TNRC18: variants seen among roughly 807,000 people sequenced by gnomAD.
The protein encoded by TNRC18 is trinucleotide repeat containing 18.
TNRC18 carries 69 observed loss-of-function variants against 226.7 expected under a neutral mutation model. That is an observed-to-expected ratio of 0.30 (90% CI 0.25 to 0.37). The LOEUF (loss-of-function observed/expected upper bound fraction) is 0.37. Among genes scored for constraint, TNRC18 ranks in the 10% least tolerant of loss-of-function variants. The pLI, the probability that TNRC18 is intolerant of heterozygous loss-of-function variation, is 1.00. For synonymous variants in TNRC18, 2,449 were observed against 1,927.6 expected (o/e 1.27, Z -7.09); for missense variants, 4,754 against 4,256.6 (o/e 1.12, Z -3.25).
intron 19 of TNRC18, among the ~76,000 whole-genome samples, chr7:5,328,473 G>C (rs13247513): frequency 0.012 from 1,851 of 151,244 alleles, 17 homozygotes; most frequent in South Asian, 0.021. Flanking sequence ...TTTGAAACCA[G>C]CCTGGGCAAC....
Position 5,371,044 on chromosome 7 carries a change from C to A in TNRC18, c.3550G>T (p.Ala1184Ser), listed in dbSNP as rs769765881. 1 of 1,610,400 alleles carries A rather than the reference C, an allele frequency of 6.2e-7. No homozygotes were observed. The highest frequency in any genetic ancestry group is 8.5e-7 in the Non-Finnish European group (1 of 1,179,660). ...PLESPLPLPA[A>S]EAMATPSPAG... ...GGGCTGGGGGTAGCCATGGCTTCCGCGGCGGGCAGTGGCAGCGGCGACTCC... is the reference window on the plus strand; with the variant it reads ...GGGCTGGGGGTAGCCATGGCTTCCGAGGCGGGCAGTGGCAGCGGCGACTCC... The change falls in exon 11 of 30, where the codon GCG becomes TCG. Residue 1184 changes from alanine (A) to serine (S), a missense_variant. Ala to Ser is a moderately conservative substitution (Grantham distance 99). Coordinates refer to ENST00000430969, the MANE Select transcript of TNRC18 (RefSeq NM_001080495.3).
chr7:5,330,402 G>GTTT (rs1487179709), intron 19 of TNRC18, among the ~76,000 whole-genome samples: 1 of 144,646 alleles, frequency 6.9e-6, no homozygotes. Flanking sequence ...CCAGCTAATT[G>GTTT]TTTTTTTGTT....
chr7:5,418,510 G>T (rs968240835), intron 2 of TNRC18, among the ~76,000 whole-genome samples: 8 of 152,126 alleles, frequency 5.3e-5, no homozygotes, highest in Non-Finnish European at 8.8e-5. Context: ...TCTCTCCAGG[G>T]AACCTCCCTC....
chr7:5,309,364 C>T lies in TNRC18; in HGVS notation c.8393G>A (p.Arg2798His), dbSNP rs1225377089. ...CTTGCGGGCCTTGCCCTTCATGCCACGCCGCTGCAAGGACACGTGTGTCAC... is the reference window on the plus strand; with the variant it reads ...CTTGCGGGCCTTGCCCTTCATGCCATGCCGCTGCAAGGACACGTGTGTCAC... ...WKWFGKPTQR[R>H]GMKGKARKLF... Residue 2798 changes from arginine (R) to histidine (H), a missense_variant, in exon 28 of 30, where the codon CGT becomes CAT. Physicochemically the swap from Arg to His is conservative, Grantham distance 29 (BLOSUM62 0). Transcript: ENST00000430969. The surrounding 1 kb of genome is among the most constrained non-coding windows in gnomAD (Gnocchi z 5.7). 5.6e-6 allele frequency: 9 copies of T among 1,610,108 alleles called. No homozygotes were observed. The highest frequency in any genetic ancestry group is 4.0e-5 in the African/African-American group (3 of 74,896).
Position 5,394,208 on chromosome 7 carries a change from G to A in TNRC18, c.343+232C>T, listed in dbSNP as rs1435993747. Among the ~76,000 whole-genome samples, 1 of 152,164 alleles carries A rather than the reference G, an allele frequency of 6.6e-6. No individual in the cohort carries two copies. The highest frequency in any genetic ancestry group is 1.5e-5 in the Non-Finnish European group (1 of 68,034). ...AGCTGAGCCGGAGGAGGACTGGAAG[G>A]TGGTCTGTGGCATGGGGTGTCAGGC... On this transcript the variant is annotated intron_variant, in intron 3 of 29. Transcript: ENST00000430969. This position sits in a 1 kb window ranked among gnomAD's most constrained non-coding sequence, Gnocchi z 4.5.
chr7:5,416,111 C>CA (rs35630581), intron 2 of TNRC18, among the ~76,000 whole-genome samples: 2,638 of 83,072 alleles, frequency 0.032, 57 homozygotes, highest in African/African-American at 0.044. Context: ...GACTCTCTCG[C>CA]AAAAAAAAAA....
chr7:5,402,164 G>GC (rs1416193897), intron 2 of TNRC18, among the ~76,000 whole-genome samples: 1 of 131,020 alleles, frequency 7.6e-6, no homozygotes, highest in Admixed American at 8.6e-5. Flanking sequence ...GGGCAACACA[G>GC]CGAGACTCTG....
At chr7:5,406,167 A>G (rs973480214) in intron 2 of TNRC18, among the ~76,000 whole-genome samples, 1 of 152,212 alleles carries the variant, frequency 6.6e-6, no homozygotes, top group African/African-American at 2.4e-5. Context: ...AGCCAGACAT[A>G]AACAACAAAT....
Position 5,371,262 on chromosome 7 carries a change from G to C in TNRC18, c.3332C>G (p.Ala1111Gly). Residue 1111 changes from alanine to glycine, a missense_variant, in exon 11 of 30, where the codon GCC becomes GGC. Physicochemically the swap from Ala to Gly is moderately conservative, Grantham distance 60. Coordinates refer to ENST00000430969, the MANE Select transcript of TNRC18 (RefSeq NM_001080495.3). ...PTAAADADGL[A>G]PDVPLPADGP... The stretch of plus-strand genomic sequence containing the variant: ...ATCAGCCGGGAGCGGCACATCAGGG[G>C]CCAAGCCGTCCGCGTCGGCGGCGGC... 6.3e-7 allele frequency: 1 copy of C among 1,597,764 alleles called. No individual in the cohort carries two copies. Among genetic ancestry groups the C allele is most frequent in the South Asian group, 1.1e-5 (1 of 90,294 alleles).
At chr7:5,396,868 C>T (rs1315221669) in intron 2 of TNRC18, among the ~76,000 whole-genome samples, 4 of 152,172 alleles carry the variant, frequency 2.6e-5, no homozygotes, top group Non-Finnish European at 5.9e-5. Flanking sequence ...CAGTGCCTCC[C>T]TTCTCCCCAA....
intron 10 of TNRC18, among the ~76,000 whole-genome samples, chr7:5,371,648 A>G (rs769940322): frequency 1.3e-5 from 2 of 152,204 alleles, no homozygotes; most frequent in South Asian, 4.1e-4. Context: ...CACCCAGCAC[A>G]AGGCTAGACC....
chr7:5,331,342 C>T (rs908451788), intron 19 of TNRC18, among the ~76,000 whole-genome samples: 3 of 151,946 alleles, frequency 2.0e-5, no homozygotes, highest in African/African-American at 7.3e-5. Context: ...GTAACAGGCC[C>T]GATTATAAAG....
intron 19 of TNRC18, chr7:5,330,109 T>G: frequency 2.5e-6 from 1 of 403,102 alleles, no homozygotes; most frequent in Non-Finnish European, 5.1e-6. Context: ...TTTTTTTATT[T>G]TTAGTAGAAA....
intron 2 of TNRC18, among the ~76,000 whole-genome samples, chr7:5,418,575 C>G (rs1459392930): frequency 6.6e-6 from 1 of 152,204 alleles, no homozygotes; most frequent in Non-Finnish European, 1.5e-5. Flanking sequence ...CCGCAGAGCC[C>G]AACCTTAATG....
chr7:5,412,530 C>T (rs983212140), intron 2 of TNRC18, among the ~76,000 whole-genome samples: 2 of 150,978 alleles, frequency 1.3e-5, no homozygotes, highest in Middle Eastern at 3.5e-3. Flanking sequence ...GGGCTGAGAT[C>T]GCGCCACCGC....
At chr7:5,368,167 GATTT>G (rs1414395813) in intron 11 of TNRC18, among the ~76,000 whole-genome samples, 6 of 152,120 alleles carry the variant, frequency 3.9e-5, no homozygotes, top group Non-Finnish European at 7.4e-5. Context: ...CTAAAACAAT[GATTT>G]TTTAAAAACC....
Position 5,394,499 on chromosome 7 carries a change from C to G in TNRC18, c.284G>C (p.Arg95Pro). 2 of 1,561,028 alleles carry G rather than the reference C, an allele frequency of 1.3e-6. No individual in the cohort carries two copies. Among genetic ancestry groups the G allele is most frequent in the Non-Finnish European group, 1.7e-6 (2 of 1,154,330 alleles). Residue 95 changes from arginine to proline, a missense_variant, in exon 3 of 30, where the codon CGC becomes CCC. By Grantham distance (103) the Arg-to-Pro change is moderately radical. Transcript: ENST00000430969. The surrounding 1 kb of genome is among the most constrained non-coding windows in gnomAD (Gnocchi z 4.5). The part of the protein sequence containing the change: ...PVPLPSDLSF[R>P]SPTPSNLPMV... ...GGGCAGGTTGCTAGGGGTTGGGGAG[C>G]GGAAAGACAGGTCAGAGGGCAGTGG...
At chr7:5,316,373 G>A (rs899622418) in intron 24 of TNRC18, among the ~76,000 whole-genome samples, 11 of 137,258 alleles carry the variant, frequency 8.0e-5, no homozygotes, top group Admixed American at 7.6e-4. Flanking sequence ...TCCGCCTCCC[G>A]GGTTCAAGTG....
chr7:5,326,714 G>A (rs565582982), intron 19 of TNRC18, among the ~76,000 whole-genome samples: 1 of 152,054 alleles, frequency 6.6e-6, no homozygotes, highest in East Asian at 1.9e-4. Flanking sequence ...GGCTGAGGCA[G>A]AATCATCACT....
Sources: gnomAD v4.1 joint callset for allele counts (sites outside exome capture counted in the v4.1 genomes callset) on GRCh38, gnomAD v4.1.1 for gene constraint, Gnocchi (gnomAD v3.1) non-coding constraint, MANE v1.5 for transcripts, NCBI Gene and HGNC (gene_info 2026-07-23, HGNC 2026-07-21) for gene names.